CR1: variants seen among roughly 807,000 people sequenced by gnomAD.
CR1 encodes the protein complement receptor type 1.
In CR1, 116 loss-of-function variants were observed where a neutral mutation model predicts 187.3. The ratio of observed to expected loss-of-function variants is 0.62; its 90% confidence interval spans 0.53 to 0.72. The LOEUF (loss-of-function observed/expected upper bound fraction) is 0.72. Among genes scored for constraint, CR1 ranks in the 30% least tolerant of loss-of-function variants. The probability of loss-of-function intolerance (pLI) is 0.00; values close to 1 mark genes in which losing one functional copy is unlikely to be tolerated. For missense variants in CR1, 1,731 were observed against 2,110.7 expected (o/e 0.82, Z 3.52); for synonymous variants, 576 against 747.1 (o/e 0.77, Z 3.73).
chr1:207,609,589 A>C lies in CR1; in HGVS notation c.6196A>C (p.Arg2066=). 4 of 1,613,380 alleles carry C rather than the reference A, an allele frequency of 2.5e-6. No individual in the cohort carries two copies. Among genetic ancestry groups the C allele is most frequent in the Non-Finnish European group, 3.4e-6 (4 of 1,179,626 alleles). Residue 2066 remains arginine (R), a synonymous_variant, in exon 37 of 47, where the codon AGA becomes CGA. Transcript: ENST00000367049. ...TTTCTTTACCCTCACTGAGATCATC[A>C]GATTTAGATGTCAGCCCGGGTTTGT... is the stretch of plus-strand genomic sequence containing the variant. ...RSFFTLTEII[R]FRCQPGFVMV...
In CR1 at chr1:207,617,577, GTATATATATATA is replaced by G. The variant is rs747792167; in HGVS notation, c.6890-469_6890-458del. On this transcript the variant is annotated intron_variant, in intron 41 of 46. Coordinates refer to ENST00000367049, the MANE Select transcript of CR1 (RefSeq NM_000651.6). ...TATATGTGTATATATATGTGTGTGT[GTATATATATATA>G]TATATATATATATATATATATATAG... Among the ~76,000 whole-genome samples the G allele has an allele frequency of 2.5e-3, 117 of 47,158 alleles. 3 individuals carry two copies. The highest frequency in any genetic ancestry group is 3.7e-3 in the African/African-American group (47 of 12,858). 30.9% of individuals were successfully genotyped at this position (47,158 alleles called of 152,430 possible).
At chr1:207,626,164 G>A in intron 45 of CR1, among the ~76,000 whole-genome samples, 1 of 152,220 alleles carries the variant, frequency 6.6e-6, no homozygotes, top group East Asian at 1.9e-4. Context: ...GCAAGATGAA[G>A]TCAGCCATGT....
rs755304394 is a variant in CR1 at position 207,611,927 on chromosome 1, T to C, written c.6473-12T>C. 6.2e-7 allele frequency: 1 copy of C among 1,613,870 alleles called. No homozygotes were observed. Among genetic ancestry groups the C allele is most frequent in the Non-Finnish European group, 8.5e-7 (1 of 1,179,882 alleles). ...GGAGGACTTACTCCTGTTGTTTTAT[T>C]TTTTCTTCTAGTGAAATCCTGTGAT... On this transcript the variant is annotated splice_polypyrimidine_tract_variant and intron_variant, in intron 38 of 46. Transcript: ENST00000367049.
At chr1:207,526,479 C>T (rs1461835394) in intron 5 of CR1, among the ~76,000 whole-genome samples, 4 of 150,834 alleles carry the variant, frequency 2.7e-5, no homozygotes, top group East Asian at 1.9e-4. Flanking sequence ...CTAGAAGGAA[C>T]TGTCCATTGT....
chr1:207,509,690 A>G (rs1659556239), intron 3 of CR1, among the ~76,000 whole-genome samples: 4 of 152,138 alleles, frequency 2.6e-5, no homozygotes, highest in Admixed American at 2.6e-4. Flanking sequence ...CCCAACCCCC[A>G]TGATTAGAAA....
At chr1:207,520,896 ATAT>A (rs1478235582) in intron 4 of CR1, among the ~76,000 whole-genome samples, 1 of 146,896 alleles carries the variant, frequency 6.8e-6, no homozygotes, top group African/African-American at 2.5e-5. Context: ...ATTTTTTACA[ATAT>A]TATTGTGTTG....
intron 40 of CR1, among the ~76,000 whole-genome samples, chr1:207,615,026 C>A (rs1420648811): frequency 6.6e-6 from 1 of 152,128 alleles, no homozygotes; most frequent in Non-Finnish European, 1.5e-5. Context: ...CCCAGCTGGT[C>A]TCAAACTCCT....
At chr1:207,503,800 A>G (rs1659346047) in intron 1 of CR1, among the ~76,000 whole-genome samples, 1 of 152,198 alleles carries the variant, frequency 6.6e-6, no homozygotes, top group Non-Finnish European at 1.5e-5. Context: ...ACACCTTTCC[A>G]TATAGATTCT....
intron 46 of CR1, among the ~76,000 whole-genome samples, chr1:207,636,718 G>A (rs961217885): frequency 7.2e-5 from 11 of 152,200 alleles, no homozygotes; most frequent in African/African-American, 2.4e-4. Context: ...TGTAATTAAA[G>A]TAAAAATGAA....
chr1:207,624,024 C>G (rs771737796), intron 45 of CR1, among the ~76,000 whole-genome samples: 9 of 144,846 alleles, frequency 6.2e-5, no homozygotes, highest in Non-Finnish European at 8.9e-5. Context: ...CTCCCAGATT[C>G]AAGCGATTCT....
intron 29 of CR1, among the ~76,000 whole-genome samples, chr1:207,578,754 G>T (rs543527437): frequency 6.6e-6 from 1 of 152,366 alleles, no homozygotes; most frequent in South Asian, 2.1e-4. Flanking sequence ...AGTATCCATT[G>T]CTGAAAGAAA....
At chr1:207,567,160 GA>G in intron 24 of CR1, among the ~76,000 whole-genome samples, 1 of 150,136 alleles carries the variant, frequency 6.7e-6, no homozygotes. Flanking sequence ...TTAGATGCTA[GA>G]AAGGAGTAAC....
chr1:207,607,142 G>T (rs1661775715), intron 35 of CR1, 109 bp from the exon 36 acceptor site: 1 of 804,100 alleles, frequency 1.2e-6, no homozygotes, highest in Non-Finnish European at 2.1e-6. Context: ...GGTCTGCCAT[G>T]GTGTAATCTG....
At chr1:207,604,888 C>T (rs550129609) in intron 35 of CR1, among the ~76,000 whole-genome samples, 26 of 152,078 alleles carry the variant, frequency 1.7e-4, no homozygotes, top group Middle Eastern at 6.8e-3. Context: ...GGTCAAAGGG[C>T]GCAGGGTTTC....
intron 4 of CR1, among the ~76,000 whole-genome samples, chr1:207,512,614 A>G (rs1395485701): frequency 1.3e-5 from 2 of 152,196 alleles, no homozygotes; most frequent in Non-Finnish European, 2.9e-5. Flanking sequence ...TTTACTAGAA[A>G]GTTTAAGAGC....
chr1:207,580,685 A>G lies in CR1; in HGVS notation c.5216+72A>G, dbSNP rs2102343052. ...GACTCTTGAGCTTAAGGATCAATCC[A>G]AAAAGAGGGCTGACCTAGGAGAAGA... On this transcript the variant is annotated intron_variant, in intron 31 of 46. Transcript: ENST00000367049. 2.2e-6 allele frequency: 3 copies of G among 1,357,822 alleles called. No individual in the cohort carries two copies. The South Asian group carries it at 3.8e-5, about 17-fold the overall frequency. 84.1% of individuals were successfully genotyped at this position (1,357,822 alleles called of 1,614,324 possible).
chr1:207,603,426 G>A (rs1436241777), intron 35 of CR1, among the ~76,000 whole-genome samples: 6 of 151,550 alleles, frequency 4.0e-5, no homozygotes, highest in Non-Finnish European at 5.9e-5. Context: ...TTTTATTGAA[G>A]CCTAGGCTCT....
At chr1:207,523,233 G>T in intron 4 of CR1, among the ~76,000 whole-genome samples, 1 of 151,966 alleles carries the variant, frequency 6.6e-6, no homozygotes, top group African/African-American at 2.4e-5. Flanking sequence ...TTTAGCAAAT[G>T]TTTTTGTATT....
intron 46 of CR1, among the ~76,000 whole-genome samples, chr1:207,634,961 C>A (rs1176988996): frequency 6.6e-6 from 1 of 152,030 alleles, no homozygotes; most frequent in African/African-American, 2.4e-5. Context: ...TTTCTTTGGA[C>A]AAAATTAAAA....
Sources: gnomAD v4.1 joint callset for allele counts (sites outside exome capture counted in the v4.1 genomes callset) on GRCh38, gnomAD v4.1.1 for gene constraint, MANE v1.5 for transcripts, NCBI Gene and HGNC (gene_info 2026-07-23, HGNC 2026-07-21) for gene names.